DLGAP1: variants seen among roughly 807,000 people sequenced by gnomAD.
The protein encoded by DLGAP1 is disks large-associated protein 1.
Under a neutral mutation model 90.8 loss-of-function variants are expected in DLGAP1, and 11 were observed. That is an observed-to-expected ratio of 0.12 (90% CI 0.08 to 0.20). DLGAP1 has a LOEUF of 0.20. Ranked by LOEUF, DLGAP1 falls within the 10% of genes least tolerant of loss-of-function variation. DLGAP1 has a pLI of 1.00. For synonymous variants in DLGAP1, 558 were observed against 540.7 expected (o/e 1.03, Z -0.44); for missense variants, 1,050 against 1,333.8 (o/e 0.79, Z 3.31).
chr18:4,402,907 C>T (rs1564129), intron 1 of DLGAP1, among the ~76,000 whole-genome samples: 119,558 of 152,042 alleles, frequency 0.79, 48,385 homozygotes, highest in East Asian at 1. Flanking sequence ...TTATAGATGT[C>T]CTTATCTCCA....
intron 5 of DLGAP1, among the ~76,000 whole-genome samples, chr18:3,800,187 A>C (rs1027835515): frequency 6.6e-6 from 1 of 152,014 alleles, no homozygotes; most frequent in African/African-American, 2.4e-5. Flanking sequence ...TTTTTGCTTC[A>C]TTTTCATTTT....
intron 1 of DLGAP1, among the ~76,000 whole-genome samples, chr18:4,429,492 A>G (rs73943539): frequency 0.072 from 10,923 of 152,252 alleles, 862 homozygotes; most frequent in African/African-American, 0.19. Flanking sequence ...CAGAAAAAAT[A>G]TTGGACTCCA....
At chr18:3,782,400 G>T (rs1045283061) in intron 5 of DLGAP1, among the ~76,000 whole-genome samples, 1 of 152,236 alleles carries the variant, frequency 6.6e-6, no homozygotes, top group Non-Finnish European at 1.5e-5. Flanking sequence ...GCCTCCCAAA[G>T]TGTTGGGATT....
intron 5 of DLGAP1, among the ~76,000 whole-genome samples, chr18:3,751,651 C>T (rs534107031): frequency 2.6e-5 from 4 of 151,210 alleles, no homozygotes; most frequent in East Asian, 2.0e-4. Flanking sequence ...CTCTGCCTCC[C>T]GGGTTCGAGT....
At position 4,454,314 on chromosome 18, in the gene DLGAP1, C is replaced by G. The variant is rs1360367579; in HGVS notation, c.-267+692G>C. On this transcript the variant is annotated intron_variant, in intron 1 of 12. Transcript: ENST00000315677. The surrounding 1 kb of genome is among the most constrained non-coding windows in gnomAD (Gnocchi z 4.7). ...CCGGCTCATTCAATTCGCTGAATGT[C>G]GGGTCTCCCGGCCCGCCCCGCGATT... Among the ~76,000 whole-genome samples the G allele has an allele frequency of 6.6e-6, 1 of 152,154 alleles. No homozygotes were observed. The highest frequency in any genetic ancestry group is 1.9e-4 in the East Asian group (1 of 5,162).
intron 2 of DLGAP1, among the ~76,000 whole-genome samples, chr18:4,043,765 C>A (rs373928206): frequency 6.6e-6 from 1 of 152,014 alleles, no homozygotes; most frequent in Non-Finnish European, 1.5e-5. Flanking sequence ...ATTGGAGCAA[C>A]GGGTATCCTT....
At chr18:3,762,636 T>C (rs536825415) in intron 5 of DLGAP1, among the ~76,000 whole-genome samples, 2 of 152,330 alleles carry the variant, frequency 1.3e-5, no homozygotes, top group Admixed American at 1.3e-4. Context: ...CTAATCCCTA[T>C]TGTCAAATGC....
chr18:3,516,991 A>C (rs1225427828), intron 10 of DLGAP1, among the ~76,000 whole-genome samples: 1 of 152,244 alleles, frequency 6.6e-6, no homozygotes, highest in Non-Finnish European at 1.5e-5. Context: ...GTGCATTGTC[A>C]GTGAGCAGCA....
chr18:4,185,106 T>G (rs1419775681), intron 1 of DLGAP1, among the ~76,000 whole-genome samples: 10 of 152,180 alleles, frequency 6.6e-5, no homozygotes, highest in South Asian at 6.2e-4. Flanking sequence ...TGTTAAATAC[T>G]ATTTACCTTA....
intron 1 of DLGAP1, among the ~76,000 whole-genome samples, chr18:4,174,743 T>A (rs1359297730): frequency 6.6e-6 from 1 of 152,202 alleles, no homozygotes; most frequent in Non-Finnish European, 1.5e-5. Flanking sequence ...TCTATTGACC[T>A]GTCATCTAAG....
intron 2 of DLGAP1, among the ~76,000 whole-genome samples, chr18:4,018,211 C>G (rs939235490): frequency 6.6e-6 from 1 of 152,182 alleles, no homozygotes; most frequent in Non-Finnish European, 1.5e-5. Context: ...CTGGGATGTG[C>G]TCTGGGCAAA....
At chr18:3,648,673 T>C (rs1470737563) in intron 7 of DLGAP1, among the ~76,000 whole-genome samples, 2 of 152,258 alleles carry the variant, frequency 1.3e-5, no homozygotes, top group Non-Finnish European at 2.9e-5. Flanking sequence ...TGCCTTCTTA[T>C]GCAATGTAAT....
rs538327667 is a variant in DLGAP1 at position 4,082,636 on chromosome 18, T to G, written c.-159+68544A>C. 5.9e-5 allele frequency among the ~76,000 whole-genome samples: 9 copies of G among 152,066 alleles called. No homozygotes were observed. In the East Asian group the frequency reaches 1.2e-3, roughly 20 times the overall value. On this transcript the variant is annotated intron_variant, in intron 2 of 12. Transcript: ENST00000315677. Reference sequence around the variant, plus strand: ...TAAATTTGCATATCTTTTCTCCTATTAACCTGCCTTTTTGAGCTGATTTTT... The same window carrying G: ...TAAATTTGCATATCTTTTCTCCTATGAACCTGCCTTTTTGAGCTGATTTTT...
chr18:4,239,844 T>C (rs1008667547), intron 1 of DLGAP1, among the ~76,000 whole-genome samples: 1 of 152,232 alleles, frequency 6.6e-6, no homozygotes, highest in African/African-American at 2.4e-5. Flanking sequence ...ATTGTCCAAG[T>C]TGGTCCAACT....
intron 7 of DLGAP1, among the ~76,000 whole-genome samples, chr18:3,615,476 T>G (rs1016077771): frequency 6.6e-6 from 1 of 152,100 alleles, no homozygotes; most frequent in Non-Finnish European, 1.5e-5. Flanking sequence ...GAAGATAATC[T>G]CAGGGGTTGC....
chr18:3,632,514 G>A (rs982306551), intron 7 of DLGAP1, among the ~76,000 whole-genome samples: 4 of 152,054 alleles, frequency 2.6e-5, no homozygotes, highest in Non-Finnish European at 5.9e-5. Context: ...TGTTGGCCAG[G>A]CTGGTCTTGA....
intron 2 of DLGAP1, among the ~76,000 whole-genome samples, chr18:4,032,669 C>A: frequency 6.6e-6 from 1 of 152,130 alleles, no homozygotes; most frequent in East Asian, 1.9e-4. Context: ...ATCGTTTGGA[C>A]ACAAGTCACT....
chr18:4,014,592 GATA>G (rs888835130), intron 2 of DLGAP1, among the ~76,000 whole-genome samples: 1 of 152,198 alleles, frequency 6.6e-6, no homozygotes, highest in Non-Finnish European at 1.5e-5. Context: ...TGTTTGGGGT[GATA>G]ATATCTCAAT....
At chr18:3,567,035 T>G (rs1302138135) in intron 9 of DLGAP1, among the ~76,000 whole-genome samples, 1 of 149,712 alleles carries the variant, frequency 6.7e-6, no homozygotes, top group South Asian at 2.2e-4. Context: ...ACAGGGAATA[T>G]CTTCTTTTTC....
Sources: gnomAD v4.1 joint callset for allele counts (sites outside exome capture counted in the v4.1 genomes callset) on GRCh38, gnomAD v4.1.1 for gene constraint, Gnocchi (gnomAD v3.1) non-coding constraint, MANE v1.5 for transcripts, NCBI Gene and HGNC (gene_info 2026-07-23, HGNC 2026-07-21) for gene names.